Variants in ACTR3C observed in about 807,000 individuals in gnomAD.
ACTR3C encodes the protein actin-related protein 3C.
A neutral mutation model predicts 26.3 loss-of-function variants in ACTR3C; 18 were observed. That is an observed-to-expected ratio of 0.68 (90% confidence interval 0.47 to 1.01). The LOEUF (loss-of-function observed/expected upper bound fraction) is 1.01, where lower values mean the gene tolerates loss of function less well. ACTR3C is among the 50% of genes least tolerant of loss of function. ACTR3C has a pLI of 0.00. For synonymous variants in ACTR3C, 55 were observed against 94.5 expected, an observed-to-expected ratio of 0.58 and a Z score of 2.42; for missense variants, 184 against 250.7, an observed-to-expected ratio of 0.73 and a Z score of 1.80.
the ACTR3C span, among the ~76,000 whole-genome samples, chr7:150,042,200 C>T: frequency 1.5e-3 from 24 of 15,512 alleles, no homozygotes; most frequent in African/African-American, 8.2e-3. Flanking sequence ...CCCCCCCCTG[C>T]GATGAGGGTA....
At chr7:150,312,543 A>C (rs56923535) in intron 1 of ACTR3C, among the ~76,000 whole-genome samples, 43,786 of 152,060 alleles carry the variant, frequency 0.29, 6,501 homozygotes, top group East Asian at 0.43. Flanking sequence ...AATATGCCTG[A>C]TTACTGTTTT....
At chr7:149,900,326 G>A in the ACTR3C span, among the ~76,000 whole-genome samples, 13 of 151,840 alleles carry the variant, frequency 8.6e-5, no homozygotes, top group African/African-American at 2.9e-4. Flanking sequence ...ACAGGTGCAC[G>A]CCACCACGCC....
At chr7:150,102,396 C>T in the ACTR3C span, among the ~76,000 whole-genome samples, 1 of 152,002 alleles carries the variant, frequency 6.6e-6, no homozygotes, top group South Asian at 2.1e-4. Flanking sequence ...TATTCAGGAA[C>T]TTATTTTTCA....
At chr7:150,297,745 G>T (rs1202436807) in intron 1 of ACTR3C, among the ~76,000 whole-genome samples, 1 of 152,060 alleles carries the variant, frequency 6.6e-6, no homozygotes, top group Non-Finnish European at 1.5e-5. Context: ...CCAGCTACTT[G>T]GGTGGTTGAG....
the ACTR3C span, among the ~76,000 whole-genome samples, chr7:150,202,779 A>G: frequency 3.1e-3 from 466 of 152,364 alleles, 4 homozygotes; most frequent in African/African-American, 0.011. Flanking sequence ...ACTTAATACA[A>G]CAACTCAATG....
rs190207619 is a variant in ACTR3C, at chr7:150,258,762, C to T, written c.565-9708G>A. Among the ~76,000 whole-genome samples, 55 of 150,422 alleles carry T rather than the reference C, an allele frequency of 3.7e-4. 5 individuals carry two copies. The East Asian group carries it at 0.011, about 30-fold the overall frequency. On this transcript the variant is annotated intron_variant, in intron 6 of 7. Coordinates refer to ENST00000683684, the MANE Select transcript of ACTR3C (RefSeq NM_001164458.2). ...AAGACTTGTGCCACCATTAAAGATC[C>T]AACATAAGAATACAGCAAGGGTGAT... is the stretch of plus-strand genomic sequence containing the variant.
chr7:150,214,201 T>G, the ACTR3C span, among the ~76,000 whole-genome samples: 3 of 152,310 alleles, frequency 2.0e-5, no homozygotes, highest in East Asian at 5.8e-4. Context: ...AAGGACATTT[T>G]AAACTGTGGT....
At chr7:150,041,875 T>A in the ACTR3C span, among the ~76,000 whole-genome samples, 1 of 81,406 alleles carries the variant, frequency 1.2e-5, no homozygotes, top group African/African-American at 4.9e-5. Context: ...CTCGTGAGGG[T>A]TGCCTCCCCC....
chr7:149,951,821 C>A, the ACTR3C span, among the ~76,000 whole-genome samples: 1 of 149,948 alleles, frequency 6.7e-6, no homozygotes, highest in Non-Finnish European at 1.5e-5. Context: ...TGTGTAGGCG[C>A]CAGGGCCAAG....
At chr7:149,924,574 G>A in the ACTR3C span, among the ~76,000 whole-genome samples, 1 of 152,160 alleles carries the variant, frequency 6.6e-6, no homozygotes, top group Non-Finnish European at 1.5e-5. Flanking sequence ...GCGGTTAAGA[G>A]TCCCTAAAAA....
At chr7:150,031,262 TA>T in the ACTR3C span, among the ~76,000 whole-genome samples, 46 of 93,898 alleles carry the variant, frequency 4.9e-4, no homozygotes, top group Admixed American at 9.7e-4. Flanking sequence ...GTCCCAAATT[TA>T]AAAAAAAAAA....
intron 6 of ACTR3C, among the ~76,000 whole-genome samples, chr7:150,264,380 A>G (rs1833872504): frequency 6.6e-6 from 1 of 152,232 alleles, no homozygotes; most frequent in Admixed American, 6.5e-5. Flanking sequence ...ACAACACTGC[A>G]TGAATACTGG....
At chr7:150,280,224 C>T (rs1417295606) in intron 6 of ACTR3C, among the ~76,000 whole-genome samples, 3 of 151,998 alleles carry the variant, frequency 2.0e-5, no homozygotes, top group East Asian at 3.9e-4. Context: ...ACCCAGACTC[C>T]GGTCCATTTT....
chr7:149,982,376 T>C, the ACTR3C span, among the ~76,000 whole-genome samples: 1 of 152,192 alleles, frequency 6.6e-6, no homozygotes, highest in South Asian at 2.1e-4. Flanking sequence ...TCCTGTTCTT[T>C]ATCCTCCTTC....
At chr7:150,263,225 A>G (rs1310086245) in intron 6 of ACTR3C, among the ~76,000 whole-genome samples, 2 of 151,762 alleles carry the variant, frequency 1.3e-5, no homozygotes, top group Admixed American at 6.6e-5. Context: ...AAGCAGAAAC[A>G]TATGTATAGT....
chr7:150,033,732 T>A, the ACTR3C span, among the ~76,000 whole-genome samples: 1 of 149,570 alleles, frequency 6.7e-6, no homozygotes, highest in African/African-American at 2.5e-5. Context: ...GAAGAGGGGA[T>A]AGCTCTCAGT....
chr7:150,307,888 T>C (rs1018777888), intron 1 of ACTR3C, among the ~76,000 whole-genome samples: 4 of 152,224 alleles, frequency 2.6e-5, no homozygotes, highest in African/African-American at 9.6e-5. Context: ...CCTCTGTCGC[T>C]ATCCCTCAAC....
the ACTR3C span, among the ~76,000 whole-genome samples, chr7:150,020,525 A>G: frequency 2.0e-5 from 3 of 152,116 alleles, no homozygotes; most frequent in African/African-American, 7.2e-5. Context: ...GATCCCAGGG[A>G]CACTTCATTC....
At chr7:150,276,480 T>G (rs1195655676) in intron 6 of ACTR3C, among the ~76,000 whole-genome samples, 1 of 152,240 alleles carries the variant, frequency 6.6e-6, no homozygotes, top group Non-Finnish European at 1.5e-5. Context: ...TTTTTACTGC[T>G]GAACTGAACC....
Sources: allele counts gnomAD v4.1 joint callset (sites outside exome capture counted in the v4.1 genomes callset), GRCh38; gene constraint gnomAD v4.1.1; transcripts MANE v1.5; gene names NCBI Gene and HGNC (gene_info 2026-07-23, HGNC 2026-07-21).